The following FASTKD2 variants were observed in gnomAD, a reference collection of about 807,000 sequenced individuals.
FASTKD2 encodes the protein FAST kinase domains 2, also known as FAST kinase domain-containing protein 2, mitochondrial.
FASTKD2 carries 51 observed loss-of-function variants against 63.6 expected under a neutral mutation model. The observed-to-expected ratio is 0.80, with a 90% CI of 0.64 to 1.01. FASTKD2 has a LOEUF of 1.01. FASTKD2 is among the 50% of genes least tolerant of loss of function. The pLI is 0.00. For missense variants in FASTKD2, 786 were observed against 831.1 expected (o/e 0.95, Z 0.67); for synonymous variants, 284 against 293.4 (o/e 0.97, Z 0.33).
chr2:206,784,971 A>G (rs1690098759), intron 7 of FASTKD2, among the ~76,000 whole-genome samples: 1 of 152,242 alleles, frequency 6.6e-6, no homozygotes, highest in African/African-American at 2.4e-5. Context: ...GCTGATAAAG[A>G]CATACCCGAG....
intron 7 of FASTKD2, among the ~76,000 whole-genome samples, chr2:206,782,713 A>T (rs2105982328): frequency 6.6e-6 from 1 of 152,342 alleles, no homozygotes; most frequent in East Asian, 1.9e-4. Flanking sequence ...GAGTTTCAGC[A>T]TTGCCATTTG....
At chr2:206,786,658 T>C (rs1690144512) in intron 7 of FASTKD2, 75 bp from the exon 8 acceptor site, 1 of 1,313,910 alleles carries the variant, frequency 7.6e-7, no homozygotes, top group Non-Finnish European at 1.1e-6. Context: ...GATTTTCTTA[T>C]CTCTTTTCTT....
In FASTKD2 at chr2:206,795,992, G is replaced by A. The variant is rs971183062; in HGVS notation, c.*4190G>A. The stretch of plus-strand genomic sequence containing the variant: ...ATTCCTGGAAGTCAGACTAAAGGCT[G>A]CTCCTTCAGCCTTTCCATTCATCTT... On this transcript the variant is annotated 3_prime_UTR_variant, in exon 12 of 12. Transcript: ENST00000402774. 6.6e-6 allele frequency among the ~76,000 whole-genome samples: 1 copy of A among 152,176 alleles called. No individual in the cohort carries two copies. Among genetic ancestry groups the A allele is most frequent in the African/African-American group, 2.4e-5 (1 of 41,446 alleles).
At chr2:206,782,570 C>A (rs1690019187) in intron 7 of FASTKD2, among the ~76,000 whole-genome samples, 1 of 152,192 alleles carries the variant, frequency 6.6e-6, no homozygotes, top group African/African-American at 2.4e-5. Context: ...CATACCTCTG[C>A]TTTCTACCCA....
chr2:206,788,216 C>CA (rs1246945494), intron 9 of FASTKD2, 61 bp downstream of exon 9: 22 of 1,204,358 alleles, frequency 1.8e-5, no homozygotes, highest in East Asian at 2.6e-5. Context: ...TTTTTCTGAC[C>CA]AAAAAAATAG....
chr2:206,785,753 C>A (rs142714295), intron 7 of FASTKD2, among the ~76,000 whole-genome samples: 1 of 152,166 alleles, frequency 6.6e-6, no homozygotes. Flanking sequence ...TAATTCCTAT[C>A]GTTTTCCTGG....
chr2:206,767,070 CTGA>C lies in FASTKD2; in HGVS notation c.384_386del (p.Asp128del). On this transcript the variant is annotated inframe_deletion, in exon 2 of 12. Transcript: ENST00000402774. The stretch of plus-strand genomic sequence containing the variant: ...CAGTCTCTTGTCCCTGTTGATAAAT[CTGA>C]TGATGAATTGAAGAAAGTAAACCTT... 1.2e-6 allele frequency: 2 copies of C among 1,614,078 alleles called. No homozygotes were observed. The highest frequency in any genetic ancestry group is 8.5e-7 in the Non-Finnish European group (1 of 1,179,978).
rs373828325 is a variant in FASTKD2, at chr2:206,795,586, C to T, written c.*3784C>T. 4.6e-5 allele frequency among the ~76,000 whole-genome samples: 7 copies of T among 152,128 alleles called. No homozygotes were observed. The highest frequency in any genetic ancestry group is 7.2e-5 in the African/African-American group (3 of 41,432). ...AACCCATTTGTGCACACAGGTGTGC[C>T]GTGACTCACTGGTGGATCCAAAAAA... On this transcript the variant is annotated 3_prime_UTR_variant, in exon 12 of 12. Transcript: ENST00000402774.
At position 206,788,888 on chromosome 2, in the gene FASTKD2, C is replaced by T. The variant is rs749192316; in HGVS notation, c.1883C>T (p.Ala628Val). The T allele has an allele frequency of 6.5e-7, 1 of 1,547,488 alleles. No homozygotes were observed. The highest frequency in any genetic ancestry group is 1.4e-5 in the African/African-American group (1 of 73,762). The change falls in exon 10 of 12, where the codon GCT becomes GTT. Residue 628 changes from alanine (A) to valine (V), a missense_variant. By Grantham distance (64) the Ala-to-Val change is moderately conservative. Coordinates refer to ENST00000402774, the MANE Select transcript of FASTKD2 (RefSeq NM_001136193.2). ...CTTTCTGATGTGGATACAACTTCTG[C>T]TACAGATATTCAAAGGTTGCTTACA... ...LPLSDVDTTS[A>V]TDIQRVAVLC...
chr2:206,766,114 G>A lies in FASTKD2; in HGVS notation c.-51+367G>A, dbSNP rs1285629749. Reference sequence around the variant, plus strand: ...GTCTTTACAAAAAATACAAAAATTAGCCGGGCGTGGTGGCATACGCCTGTA... The same window carrying A: ...GTCTTTACAAAAAATACAAAAATTAACCGGGCGTGGTGGCATACGCCTGTA... On this transcript the variant is annotated intron_variant, in intron 1 of 11. Coordinates refer to ENST00000402774, the MANE Select transcript of FASTKD2 (RefSeq NM_001136193.2). 2.0e-5 allele frequency among the ~76,000 whole-genome samples: 3 copies of A among 152,042 alleles called. No individual in the cohort carries two copies. The East Asian group carries it at 5.8e-4, about 29-fold the overall frequency.
At position 206,772,182 on chromosome 2, in the gene FASTKD2, T is replaced by C; in HGVS notation, c.1116T>C (p.Asp372=). The change falls in exon 6 of 12, where the codon GAT becomes GAC. Residue 372 remains aspartate, a splice_region_variant and synonymous_variant. Transcript: ENST00000402774. ...TGTTTATTTAACTCATTCTTCAAGA[T>C]AATATCCATGGGTGTCCTTTAAGAA... is the stretch of plus-strand genomic sequence containing the variant. ...LLDECSKVVL[D]NIHGCPLRIM... 6.2e-7 allele frequency: 1 copy of C among 1,611,282 alleles called. No individual in the cohort carries two copies. The highest frequency in any genetic ancestry group is 8.5e-7 in the Non-Finnish European group (1 of 1,177,404).
chr2:206,790,430 A>G, intron 10 of FASTKD2, 142 bp from the exon 11 acceptor site: 1 of 681,422 alleles, frequency 1.5e-6, no homozygotes, highest in Non-Finnish European at 2.7e-6. Context: ...GGCCAAGTAA[A>G]AGAAGTGAAG....
intron 7 of FASTKD2, among the ~76,000 whole-genome samples, chr2:206,784,558 T>C (rs1006856951): frequency 1.3e-5 from 2 of 152,208 alleles, no homozygotes; most frequent in African/African-American, 4.8e-5. Flanking sequence ...TTTGGTCCTT[T>C]GGTTTCTTCT....
intron 3 of FASTKD2, among the ~76,000 whole-genome samples, chr2:206,770,865 T>C (rs1326543178): frequency 2.0e-5 from 3 of 152,138 alleles, no homozygotes; most frequent in African/African-American, 2.4e-5. Flanking sequence ...AAAATTGATA[T>C]AAATGATCTA....
At position 206,788,881 on chromosome 2, in the gene FASTKD2, A is replaced by G. The variant is rs1278526261; in HGVS notation, c.1876A>G (p.Thr626Ala). The G allele has an allele frequency of 1.3e-6, 2 of 1,561,550 alleles. No homozygotes were observed. The highest frequency in any genetic ancestry group is 1.4e-5 in the African/African-American group (1 of 74,036). ...QVLPLSDVDT[T>A]SATDIQRVAV... ...GCTACCACTTTCTGATGTGGATACA[A>G]CTTCTGCTACAGATATTCAAAGGTT... is the stretch of plus-strand genomic sequence containing the variant. The change falls in exon 10 of 12, where the codon ACT becomes GCT. Residue 626 changes from threonine to alanine, a missense_variant. Thr to Ala is a moderately conservative substitution (Grantham distance 58). Transcript: ENST00000402774.
At chr2:206,777,314 A>G (rs552765519) in intron 7 of FASTKD2, among the ~76,000 whole-genome samples, 4 of 152,162 alleles carry the variant, frequency 2.6e-5, no homozygotes, top group Admixed American at 1.3e-4. Flanking sequence ...ATGGCTTTTC[A>G]TATATGGTCT....
intron 7 of FASTKD2, among the ~76,000 whole-genome samples, chr2:206,776,632 TC>T (rs1689831859): frequency 6.6e-6 from 1 of 151,974 alleles, no homozygotes; most frequent in African/African-American, 2.4e-5. Flanking sequence ...AAGAGCATAT[TC>T]TTTTACTATG....
At chr2:206,773,920 T>C (rs1052442856) in intron 6 of FASTKD2, among the ~76,000 whole-genome samples, 3 of 152,162 alleles carry the variant, frequency 2.0e-5, no homozygotes, top group African/African-American at 7.2e-5. Context: ...TTTTCAGATA[T>C]GTTGTATGAA....
chr2:206,786,642 A>C, intron 7 of FASTKD2, 91 bp from the exon 8 acceptor site: 1 of 1,122,658 alleles, frequency 8.9e-7, no homozygotes, highest in Non-Finnish European at 1.4e-6. Flanking sequence ...ACTTACTTGC[A>C]AGGCTGATTT....
Sources: gnomAD v4.1 joint callset for allele counts (sites outside exome capture counted in the v4.1 genomes callset) on GRCh38, gnomAD v4.1.1 for gene constraint, MANE v1.5 for transcripts, NCBI Gene and HGNC (gene_info 2026-07-23, HGNC 2026-07-21) for gene names.